NBEAL1: variants seen among roughly 807,000 people sequenced by gnomAD.
NBEAL1 encodes the protein neurobeachin-like protein 1.
In NBEAL1, 273 loss-of-function variants were observed where a neutral mutation model predicts 351.3. The observed-to-expected ratio is 0.78, with a 90% CI of 0.70 to 0.86. The LOEUF (loss-of-function observed/expected upper bound fraction) is 0.86. Ranked by LOEUF, NBEAL1 falls within the 40% of genes least tolerant of loss-of-function variation. The probability of loss-of-function intolerance (pLI) is 0.00; values close to 1 mark genes in which losing one functional copy is unlikely to be tolerated. For synonymous variants in NBEAL1, 1,050 were observed against 1,086.4 expected, an observed-to-expected ratio of 0.97 and a Z score of 0.66; for missense variants, 2,961 against 3,201.3, an observed-to-expected ratio of 0.92 and a Z score of 1.81.
At chr2:203,078,601 A>G (rs1191642675) in intron 8 of NBEAL1, among the ~76,000 whole-genome samples, 1 of 152,176 alleles carries the variant, frequency 6.6e-6, no homozygotes, top group Non-Finnish European at 1.5e-5. Flanking sequence ...CAGCCTCCCC[A>G]AGTACTGGAA....
chr2:203,038,655 C>T (rs1335464918), intron 2 of NBEAL1, among the ~76,000 whole-genome samples: 1 of 148,522 alleles, frequency 6.7e-6, no homozygotes, highest in Non-Finnish European at 1.5e-5. Flanking sequence ...TCTTTAGAGT[C>T]TCACTCTGGC....
chr2:203,190,354 A>G lies in NBEAL1; in HGVS notation c.6886A>G (p.Asn2296Asp). The G allele has an allele frequency of 6.2e-7, 1 of 1,612,442 alleles. No individual in the cohort carries two copies. The highest frequency in any genetic ancestry group is 8.5e-7 in the Non-Finnish European group (1 of 1,179,600). Residue 2296 changes from asparagine (N) to aspartate (D), a missense_variant, in exon 46 of 56, where the codon AAT becomes GAT. By Grantham distance (23) the Asn-to-Asp change is conservative (BLOSUM62 1). Coordinates refer to ENST00000683969, the MANE Select transcript of NBEAL1 (RefSeq NM_001378026.1). ...KERKALEGMINNFGQTPCQLL... is the reference protein window; with the variant it reads ...KERKALEGMIDNFGQTPCQLL... ...AAGAAAAGCCTTAGAAGGGATGATT[A>G]ATAATTTTGGGCAAACACCCTGTCA...
At chr2:203,050,738 C>G (rs1046988145) in intron 4 of NBEAL1, among the ~76,000 whole-genome samples, 3 of 152,088 alleles carry the variant, frequency 2.0e-5, no homozygotes, top group Admixed American at 1.3e-4. Context: ...AGAGCTTGAG[C>G]CTTGCTTATG....
chr2:203,205,190 T>C (rs1284380126), intron 51 of NBEAL1, among the ~76,000 whole-genome samples: 2 of 152,182 alleles, frequency 1.3e-5, no homozygotes, highest in African/African-American at 4.8e-5. Flanking sequence ...TTTCTTTTGG[T>C]AACTTTATAG....
At chr2:203,088,576 T>C (rs1211492111) in intron 10 of NBEAL1, among the ~76,000 whole-genome samples, 1 of 152,206 alleles carries the variant, frequency 6.6e-6, no homozygotes, top group Non-Finnish European at 1.5e-5. Context: ...CATGGAGTTA[T>C]ATCCTTCTAT....
intron 50 of NBEAL1, 93 bp from the exon 51 acceptor site, chr2:203,202,594 T>G (rs1418092292): frequency 6.7e-6 from 5 of 748,830 alleles, no homozygotes; most frequent in Non-Finnish European, 1.2e-5. Flanking sequence ...CATAACTGAT[T>G]TAGGAATAGT....
At chr2:203,185,085 A>T (rs983298056) in intron 44 of NBEAL1, among the ~76,000 whole-genome samples, 1 of 152,178 alleles carries the variant, frequency 6.6e-6, no homozygotes, top group Non-Finnish European at 1.5e-5. Context: ...AATAACAAGG[A>T]TGGCATTAGT....
Position 203,095,537 on chromosome 2 carries a change from C to T in NBEAL1, c.1099-2010C>T, listed in dbSNP as rs546112122. ...AACTCCTGACCTCAGGTGATCCGCC[C>T]GCCTCAGCCTCCCAAAGTGCTGGGA... On this transcript the variant is annotated intron_variant, in intron 10 of 55. Coordinates refer to ENST00000683969, the MANE Select transcript of NBEAL1 (RefSeq NM_001378026.1). Among the ~76,000 whole-genome samples the T allele has an allele frequency of 1.8e-4, 28 of 152,130 alleles. No homozygotes were observed. The South Asian group carries it at 2.5e-3, about 14-fold the overall frequency.
At chr2:203,122,589 T>C (rs1439037382) in intron 19 of NBEAL1, among the ~76,000 whole-genome samples, 2 of 152,236 alleles carry the variant, frequency 1.3e-5, no homozygotes, top group Admixed American at 6.5e-5. Flanking sequence ...TCGTTCATTA[T>C]AAAGTCAGTG....
intron 45 of NBEAL1, 111 bp from the exon 46 acceptor site, chr2:203,190,181 C>T (rs1169486687): frequency 3.6e-5 from 10 of 274,346 alleles, no homozygotes; most frequent in Non-Finnish European, 6.2e-5. Flanking sequence ...CACACACACA[C>T]ACACACACAC....
chr2:203,213,829 T>C (rs1162041941), intron 55 of NBEAL1, 176 bp downstream of exon 55: 2 of 975,710 alleles, frequency 2.0e-6, no homozygotes, highest in African/African-American at 3.5e-5. Context: ...GAATCATGTT[T>C]ATGTTATTAT....
At chr2:203,147,981 C>T (rs916578653) in intron 33 of NBEAL1, among the ~76,000 whole-genome samples, 1 of 151,882 alleles carries the variant, frequency 6.6e-6, no homozygotes, top group Admixed American at 6.6e-5. Flanking sequence ...ATTATTGAAC[C>T]TCAAAACTGT....
At chr2:203,121,850 G>A (rs757833833) in intron 18 of NBEAL1, among the ~76,000 whole-genome samples, 11 of 151,628 alleles carry the variant, frequency 7.3e-5, no homozygotes, top group Non-Finnish European at 1.3e-4. Context: ...CATTGGCACC[G>A]TGTCGGCTCA....
chr2:203,157,211 G>A (rs571704794), intron 35 of NBEAL1, among the ~76,000 whole-genome samples: 4 of 152,096 alleles, frequency 2.6e-5, no homozygotes, highest in East Asian at 3.9e-4. Flanking sequence ...TAATTGCCTC[G>A]GAATTATGTA....
chr2:203,024,578 G>C (rs2060824668), intron 2 of NBEAL1, among the ~76,000 whole-genome samples: 1 of 150,194 alleles, frequency 6.7e-6, no homozygotes, highest in African/African-American at 2.4e-5. Flanking sequence ...AAAAAGAAAA[G>C]CATTATGGAG....
Position 203,211,100 on chromosome 2 carries a change from T to A in NBEAL1, c.7928T>A (p.Leu2643His). The A allele has an allele frequency of 6.4e-7, 1 of 1,569,136 alleles. No homozygotes were observed. Residue 2643 changes from leucine (L) to histidine (H), a missense_variant, in exon 54 of 56, where the codon CTC becomes CAC. Transcript: ENST00000683969. ...CAAGGATTCCTGTCTATAAGAGATC[T>A]CCACAGGTAAATAATAAAAACTAAT... ...SIQGFLSIRD[L>H]HSLNLSINPL... is the part of the protein sequence containing the mutation.
upstream of NBEAL1, chr2:203,014,863 C>A (rs568601559): frequency 6.6e-6 from 1 of 152,376 alleles, no homozygotes; most frequent in Non-Finnish European, 1.5e-5. Flanking sequence ...TCTCGCCCCG[C>A]CCCCATGTCC....
chr2:203,144,612 G>A lies in NBEAL1; in HGVS notation c.4861G>A (p.Ala1621Thr). The A allele has an allele frequency of 6.2e-7, 1 of 1,611,504 alleles. No homozygotes were observed. Among genetic ancestry groups the A allele is most frequent in the Non-Finnish European group, 8.5e-7 (1 of 1,178,388 alleles). ...GRGNLQVCAM[A>T]SAKLNTLLQT... ...TGTTTTCCTCCAGGTTTGTGCAATGGCATCAGCTAAGCTAAATACCCTTCT... is the reference window on the plus strand; with the variant it reads ...TGTTTTCCTCCAGGTTTGTGCAATGACATCAGCTAAGCTAAATACCCTTCT... Residue 1621 changes from alanine to threonine, a missense_variant, in exon 32 of 56, where the codon GCA becomes ACA. Transcript: ENST00000683969.
Position 203,016,243 on chromosome 2 carries a change from C to T in NBEAL1, c.-142C>T. The T allele has an allele frequency of 2.1e-6, 1 of 465,256 alleles. No homozygotes were observed. Among genetic ancestry groups the T allele is most frequent in the Non-Finnish European group, 3.7e-6 (1 of 267,042 alleles). 28.8% of individuals were successfully genotyped at this position (465,256 alleles called of 1,614,324 possible). A position where few individuals can be genotyped will look rare whatever the true frequency, so the allele number is the denominator to read the frequency against. ...TTTTGTTTTTAACCAGAGGACAGTC[C>T]ATTTGTTTCACTTCTTTTTGCTTTC... On this transcript the variant is annotated 5_prime_UTR_variant, in exon 2 of 56. Transcript: ENST00000683969.
Sources: allele counts gnomAD v4.1 joint callset (sites outside exome capture counted in the v4.1 genomes callset), GRCh38; gene constraint gnomAD v4.1.1; transcripts MANE v1.5; gene names NCBI Gene and HGNC (gene_info 2026-07-23, HGNC 2026-07-21).